KLK7: variants seen among roughly 807,000 people sequenced by gnomAD.
KLK7 encodes the protein kallikrein-7.
Under a neutral mutation model 21.0 loss-of-function variants are expected in KLK7, and 17 were observed. The observed-to-expected ratio is 0.81, with a 90% CI of 0.55 to 1.21. KLK7 has a LOEUF of 1.21. KLK7 is among the 50% of genes most tolerant of loss of function. KLK7 has a pLI of 0.00. For missense variants in KLK7, 330 were observed against 322.8 expected, an observed-to-expected ratio of 1.02 and a Z score of -0.17; for synonymous variants, 151 against 134.6, an observed-to-expected ratio of 1.12 and a Z score of -0.85.
chr19:50,977,265 T>A lies in KLK7; in HGVS notation c.*271A>T. On this transcript the variant is annotated 3_prime_UTR_variant, in exon 6 of 6. Coordinates refer to ENST00000595820, the MANE Select transcript of KLK7 (RefSeq NM_005046.4). ...AGGGTCTCGGTGTACGTTGACCAAGTGTCTTCCGTAAAGACTGTACGAACG... is the reference window on the plus strand; with the variant it reads ...AGGGTCTCGGTGTACGTTGACCAAGAGTCTTCCGTAAAGACTGTACGAACG... 1 of 386,894 alleles carries A rather than the reference T, an allele frequency of 2.6e-6. No homozygotes were observed. The allele number at this position is 386,894 out of a possible 1,614,324, so 24.0% of individuals were successfully genotyped here.
Position 50,980,415 on chromosome 19 carries a change from T to C in KLK7, c.294A>G (p.Ser98=), listed in dbSNP as rs2122250934. Residue 98 remains serine (S), a synonymous_variant, in exon 4 of 6, where the codon TCA becomes TCG. Transcript: ENST00000595820. ...RRAQRIKASK[S]FRHPGYSTQT... The stretch of plus-strand genomic sequence containing the variant: ...GTGTGGAGTAGCCGGGGTGGCGGAA[T>C]GACTTCGAGGCCTTGATCCTCTGAG... The C allele has an allele frequency of 6.2e-7, 1 of 1,613,980 alleles. No homozygotes were observed. Among genetic ancestry groups the C allele is most frequent in the East Asian group, 2.2e-5 (1 of 44,876 alleles).
intron 1 of KLK7, chr19:50,983,643 T>C: frequency 1.7e-6 from 1 of 578,188 alleles, no homozygotes. Flanking sequence ...GAATCTAGGC[T>C]CCGATCTTGC....
At chr19:50,978,838 A>G (rs1221154929) in intron 5 of KLK7, among the ~76,000 whole-genome samples, 1 of 140,402 alleles carries the variant, frequency 7.1e-6, no homozygotes, top group Non-Finnish European at 1.5e-5. Context: ...TGGGGGAGAG[A>G]GAGAAAGAGG....
At chr19:50,983,523 C>G (rs925380685) in intron 1 of KLK7, among the ~76,000 whole-genome samples, 1 of 146,276 alleles carries the variant, frequency 6.8e-6, no homozygotes, top group Non-Finnish European at 1.5e-5. Context: ...TCCCTCAGAC[C>G]CAGGAGTCCA....
rs2091094741 is a variant in KLK7, at chr19:50,982,194, G to A, written c.73+133C>T. ...GAGTCAGCAGAAGCAGGAAGAGCGG[G>A]GGCTTCAGCCGACAGTCTGGTCCTC... On this transcript the variant is annotated intron_variant, in intron 2 of 5. Coordinates refer to ENST00000595820, the MANE Select transcript of KLK7 (RefSeq NM_005046.4). The A allele has an allele frequency of 2.4e-5, 29 of 1,192,944 alleles. No individual in the cohort carries two copies. The South Asian group carries it at 3.6e-4, about 15-fold the overall frequency. 73.9% of individuals were successfully genotyped at this position (1,192,944 alleles called of 1,614,324 possible). A position where few individuals can be genotyped will look rare whatever the true frequency, so the allele number is the denominator to read the frequency against.
intron 4 of KLK7, 56 bp from the exon 5 acceptor site, chr19:50,979,980 A>G: frequency 1.3e-6 from 2 of 1,551,824 alleles, no homozygotes; most frequent in Non-Finnish European, 1.7e-6. Context: ...CGAGGACCAG[A>G]AGGGCTGTTG....
chr19:50,980,984 G>A lies in KLK7; in HGVS notation c.222-497C>T, dbSNP rs1221470784. 2.1e-5 allele frequency among the ~76,000 whole-genome samples: 3 copies of A among 143,004 alleles called. No homozygotes were observed. In the East Asian group the frequency reaches 6.9e-4, roughly 33 times the overall value. 93.8% of individuals were successfully genotyped at this position (143,004 alleles called of 152,430 possible). Reference sequence around the variant, plus strand: ...AGAGAGAGGAAGACAGAGAGCCAGGGAGAGAGGGGGACAGAGCCCCAGGGA... The same window carrying A: ...AGAGAGAGGAAGACAGAGAGCCAGGAAGAGAGGGGGACAGAGCCCCAGGGA... On this transcript the variant is annotated intron_variant, in intron 3 of 5. Coordinates refer to ENST00000595820, the MANE Select transcript of KLK7 (RefSeq NM_005046.4).
rs2091043752 is a variant in KLK7, at chr19:50,977,052, A to C, written c.*484T>G. The C allele has an allele frequency of 6.5e-6, 1 of 154,194 alleles. No homozygotes were observed. The highest frequency in any genetic ancestry group is 2.4e-5 in the African/African-American group (1 of 41,490). 9.6% of individuals were successfully genotyped at this position (154,194 alleles called of 1,614,324 possible). The stretch of plus-strand genomic sequence containing the variant: ...AGAGACTCTGTCTCAAAGAAAAAAA[A>C]CATCGTTGTGCCAAGCCAGACTATT... On this transcript the variant is annotated 3_prime_UTR_variant, in exon 6 of 6. Coordinates refer to ENST00000595820, the MANE Select transcript of KLK7 (RefSeq NM_005046.4).
At chr19:50,982,190 G>A in intron 2 of KLK7, 137 bp downstream of exon 2, 2 of 1,164,756 alleles carry the variant, frequency 1.7e-6, no homozygotes, top group Admixed American at 4.1e-5. Flanking sequence ...AGCAGGAAGA[G>A]CGGGGGCTTC....
chr19:50,982,188 G>A (rs1337519855), intron 2 of KLK7, 139 bp downstream of exon 2: 1 of 1,144,656 alleles, frequency 8.7e-7, no homozygotes, highest in Admixed American at 2.1e-5. Flanking sequence ...GAAGCAGGAA[G>A]AGCGGGGGCT....
rs1166424182 is a variant in KLK7 at position 50,979,887 on chromosome 19, C to G, written c.507G>C (p.Lys169Asn). The G allele has an allele frequency of 6.3e-7, 1 of 1,593,514 alleles. No homozygotes were observed. Among genetic ancestry groups the G allele is most frequent in the Non-Finnish European group, 8.5e-7 (1 of 1,170,004 alleles). The change falls in exon 5 of 6, where the codon AAG becomes AAC. Residue 169 changes from lysine to asparagine, a missense_variant. Transcript: ENST00000595820. ...FPSDLMCVDV[K>N]LISPQDCTKV... ...TCGTGCAGTCCTGGGGGGAGATGAGCTTGACATCCACGCACATGAGGTCAG... is the reference window on the plus strand; with the variant it reads ...TCGTGCAGTCCTGGGGGGAGATGAGGTTGACATCCACGCACATGAGGTCAG...
In KLK7 at chr19:50,982,419, C is replaced by T. The variant is rs1568549946; in HGVS notation, c.-20G>A. 1.9e-6 allele frequency: 3 copies of T among 1,594,942 alleles called. No homozygotes were observed. Among genetic ancestry groups the T allele is most frequent in the East Asian group, 4.5e-5 (2 of 44,442 alleles). On this transcript the variant is annotated 5_prime_UTR_variant, in exon 2 of 6. Coordinates refer to ENST00000595820, the MANE Select transcript of KLK7 (RefSeq NM_005046.4). ...TGCCATGGTGCCCTGCTGAGCCGCT[C>T]AGGGGCTGCCAGGCGAGGAAGGGCC...
intron 5 of KLK7, among the ~76,000 whole-genome samples, chr19:50,978,474 G>A (rs562232979): frequency 7.0e-5 from 10 of 142,036 alleles, no homozygotes; most frequent in African/African-American, 1.9e-4. Context: ...TGGGGAGAGA[G>A]AGAGACAGAG....
chr19:50,978,908 G>A (rs2091056142), intron 5 of KLK7, among the ~76,000 whole-genome samples: 1 of 136,488 alleles, frequency 7.3e-6, no homozygotes, highest in South Asian at 2.6e-4. Context: ...GGCAGGGAGA[G>A]GAGAGAGGGA....
intron 5 of KLK7, among the ~76,000 whole-genome samples, chr19:50,977,973 C>T (rs908509776): frequency 2.0e-5 from 3 of 152,090 alleles, no homozygotes; most frequent in Non-Finnish European, 2.9e-5. Context: ...TGTTAAGGAC[C>T]CTGCTCCAAG....
At chr19:50,978,398 T>A (rs2091051799) in intron 5 of KLK7, among the ~76,000 whole-genome samples, 1 of 150,218 alleles carries the variant, frequency 6.7e-6, no homozygotes, top group African/African-American at 2.5e-5. Flanking sequence ...CAGAGAGAGT[T>A]GGAGGTGGAG....
chr19:50,977,790 G>A (rs973962058), intron 5 of KLK7, 99 bp from the exon 6 acceptor site: 2 of 1,242,174 alleles, frequency 1.6e-6, no homozygotes, highest in African/African-American at 3.0e-5. Context: ...TGCAGATTAT[G>A]GACTTCCACC....
At chr19:50,980,808 GA>G (rs1386267565) in intron 3 of KLK7, among the ~76,000 whole-genome samples, 1 of 139,976 alleles carries the variant, frequency 7.1e-6, no homozygotes, top group Non-Finnish European at 1.6e-5. Flanking sequence ...AGAGAGAGGA[GA>G]GGGGACAGAG....
upstream of KLK7, chr19:50,984,028 T>C: frequency 1.3e-6 from 1 of 768,562 alleles, no homozygotes; most frequent in South Asian, 1.5e-5. Context: ...CATTTGCGGT[T>C]CTGGTTATCT....
Sources: gnomAD v4.1 joint callset for allele counts (sites outside exome capture counted in the v4.1 genomes callset) on GRCh38, gnomAD v4.1.1 for gene constraint, MANE v1.5 for transcripts, NCBI Gene and HGNC (gene_info 2026-07-23, HGNC 2026-07-21) for gene names.